The following RGS5 variants were observed in gnomAD, a reference collection of about 807,000 sequenced individuals.
RGS5 encodes the protein regulator of G protein signaling 5, also known as regulator of G-protein signalling 5.
A neutral mutation model predicts 18.9 loss-of-function variants in RGS5; 20 were observed. The observed-to-expected ratio is 1.06, with a 90% CI of 0.74 to 1.54. RGS5 has a LOEUF of 1.54. Ranked by LOEUF, RGS5 falls within the 40% of genes most tolerant of loss-of-function variation. The pLI, the probability that RGS5 is intolerant of heterozygous loss-of-function variation, is 0.00. For missense variants in RGS5, 201 were observed against 211.8 expected, an observed-to-expected ratio of 0.95 and a Z score of 0.32; for synonymous variants, 57 against 76.2, an observed-to-expected ratio of 0.75 and a Z score of 1.31.
chr1:163,192,118 G>A (rs746719638), intron 1 of RGS5, among the ~76,000 whole-genome samples: 10 of 152,062 alleles, frequency 6.6e-5, no homozygotes, highest in Non-Finnish European at 1.3e-4. Context: ...TAGCCTTTAC[G>A]ATAAATCAGT....
chr1:163,204,313 A>T (rs1357547905), upstream of RGS5, among the ~76,000 whole-genome samples: 4 of 99,624 alleles, frequency 4.0e-5, no homozygotes, highest in Non-Finnish European at 6.3e-5. Flanking sequence ...TCTAAACCAC[A>T]CACACACACA....
At chr1:163,182,125 GTTGA>G (rs1233455534) in intron 1 of RGS5, among the ~76,000 whole-genome samples, 1 of 152,066 alleles carries the variant, frequency 6.6e-6, no homozygotes, top group Non-Finnish European at 1.5e-5. Context: ...GCATGTATGT[GTTGA>G]TTAATAATAT....
chr1:163,306,591 T>G (rs1334202005), intron 1 of RGS5, among the ~76,000 whole-genome samples: 1 of 152,192 alleles, frequency 6.6e-6, no homozygotes, highest in Admixed American at 6.5e-5. Flanking sequence ...AGAGATATGT[T>G]GAAATCCCAA....
At position 163,147,408 on chromosome 1, in the gene RGS5, G is replaced by C; in HGVS notation, c.480C>G (p.Ala160=). ...GAGGCAGAGAATCCTTTTCCATCAGGGCATGGATTCTTTTCTGGGCCATGT... is the reference window on the plus strand; with the variant it reads ...GAGGCAGAGAATCCTTTTCCATCAGCGCATGGATTCTTTTCTGGGCCATGT... ...SFDMAQKRIH[A]LMEKDSLPRF... Residue 160 remains alanine, a synonymous_variant, in exon 5 of 5, where the codon GCC becomes GCG. Transcript: ENST00000313961. The C allele has an allele frequency of 6.2e-7, 1 of 1,612,942 alleles. No individual in the cohort carries two copies. Among genetic ancestry groups the C allele is most frequent in the Non-Finnish European group, 8.5e-7 (1 of 1,179,442 alleles).
At position 163,146,544 on chromosome 1, in the gene RGS5, T is replaced by A. The variant is rs575540918; in HGVS notation, c.*798A>T. ...AAACTCATAAGAATTCTAAATAATT[T>A]GAAAATGGAAACATTTGACCCACAG... On this transcript the variant is annotated 3_prime_UTR_variant, in exon 5 of 5. Transcript: ENST00000313961. 19 of 152,274 alleles carry A rather than the reference T, an allele frequency of 1.2e-4. No individual in the cohort carries two copies. The East Asian group carries it at 3.7e-3, about 29-fold the overall frequency. 9.4% of individuals were successfully genotyped at this position (152,274 alleles called of 1,614,324 possible). A position where few individuals can be genotyped will look rare whatever the true frequency, so the allele number is the denominator to read the frequency against.
chr1:163,280,073 C>T (rs1344200292), intron 2 of RGS5, among the ~76,000 whole-genome samples: 3 of 151,884 alleles, frequency 2.0e-5, no homozygotes, highest in Non-Finnish European at 4.4e-5. Flanking sequence ...TGAATTCTAC[C>T]AAAGGTTTAA....
chr1:163,290,863 TATA>T (rs1252718056), intron 2 of RGS5, among the ~76,000 whole-genome samples: 2 of 152,156 alleles, frequency 1.3e-5, no homozygotes, highest in African/African-American at 4.8e-5. Context: ...ACTTGGTGGT[TATA>T]ATAAGAAATA....
At chr1:163,228,029 G>A (rs934282728) in intron 2 of RGS5, among the ~76,000 whole-genome samples, 1 of 152,342 alleles carries the variant, frequency 6.6e-6, no homozygotes, top group East Asian at 1.9e-4. Flanking sequence ...GCTTTCACAG[G>A]GGGGCATTGA....
intron 2 of RGS5, among the ~76,000 whole-genome samples, chr1:163,256,234 C>T (rs1648268953): frequency 2.6e-5 from 4 of 151,904 alleles, no homozygotes; most frequent in Middle Eastern, 3.4e-3. Flanking sequence ...CCCAAAATCT[C>T]CTTAAGCTGA....
At chr1:163,159,035 C>T (rs937620295) in intron 3 of RGS5, among the ~76,000 whole-genome samples, 1 of 152,186 alleles carries the variant, frequency 6.6e-6, no homozygotes, top group Admixed American at 6.5e-5. Context: ...CTCCCATTTG[C>T]TTTTGAAAGA....
At position 163,298,514 on chromosome 1, in the gene RGS5, A is replaced by C. The variant is rs1649478273; in HGVS notation, c.-281+7719T>G. On this transcript the variant is annotated intron_variant, in intron 2 of 5. Coordinates refer to the RGS5 transcript ENST00000618415. The stretch of plus-strand genomic sequence containing the variant: ...TGGTGGTTTATCGGGGGTGGTGTCT[A>C]TACAAGTTGCAGGGGAGTAAGAGGA... 2.0e-5 allele frequency among the ~76,000 whole-genome samples: 3 copies of C among 152,136 alleles called. No individual in the cohort carries two copies. In the South Asian group the frequency reaches 6.2e-4, roughly 32 times the overall value.
chr1:163,214,912 T>C (rs1362316052), intron 1 of RGS5, among the ~76,000 whole-genome samples: 1 of 152,178 alleles, frequency 6.6e-6, no homozygotes, highest in Non-Finnish European at 1.5e-5. Flanking sequence ...AAGAAATCAT[T>C]GTAGGTGAAG....
intron 2 of RGS5, among the ~76,000 whole-genome samples, chr1:163,280,802 G>A (rs942065750): frequency 6.6e-6 from 1 of 152,112 alleles, no homozygotes; most frequent in African/African-American, 2.4e-5. Flanking sequence ...AAAAGAGCCT[G>A]AATAGCCAAA....
intron 3 of RGS5, among the ~76,000 whole-genome samples, chr1:163,153,187 C>G (rs1377262957): frequency 6.6e-6 from 1 of 152,116 alleles, no homozygotes; most frequent in East Asian, 1.9e-4. Flanking sequence ...TTTATTTTCT[C>G]TTTGTACAGA....
intron 1 of RGS5, among the ~76,000 whole-genome samples, chr1:163,318,522 C>CG (rs1650090957): frequency 6.6e-6 from 1 of 151,982 alleles, no homozygotes; most frequent in Non-Finnish European, 1.5e-5. Context: ...TCCCGAAAGT[C>CG]GGAACTTCAA....
intron 1 of RGS5, among the ~76,000 whole-genome samples, chr1:163,308,043 GT>G (rs1021179295): frequency 1.3e-5 from 2 of 152,192 alleles, no homozygotes; most frequent in African/African-American, 4.8e-5. Flanking sequence ...TAAAGTGTGA[GT>G]TTAAAGTTCC....
At chr1:163,255,407 C>G (rs1648244914) in intron 2 of RGS5, among the ~76,000 whole-genome samples, 1 of 152,104 alleles carries the variant, frequency 6.6e-6, no homozygotes, top group Non-Finnish European at 1.5e-5. Context: ...CAAGACTAAA[C>G]CAGGAAGAAG....
chr1:163,280,506 G>C (rs1454051603), intron 2 of RGS5, among the ~76,000 whole-genome samples: 3 of 151,782 alleles, frequency 2.0e-5, no homozygotes, highest in African/African-American at 7.3e-5. Flanking sequence ...AATCAAAAAA[G>C]GAATCTCATT....
chr1:163,311,370 A>G (rs1649857592), intron 1 of RGS5, among the ~76,000 whole-genome samples: 1 of 152,188 alleles, frequency 6.6e-6, no homozygotes, highest in Admixed American at 6.5e-5. Context: ...CTGGACAAGC[A>G]CTTTTAATTT....
Sources: allele counts gnomAD v4.1 joint callset (sites outside exome capture counted in the v4.1 genomes callset), GRCh38; gene constraint gnomAD v4.1.1; transcripts MANE v1.5; gene names NCBI Gene and HGNC (gene_info 2026-07-23, HGNC 2026-07-21).